Variants in P4HTM observed in about 807,000 individuals in gnomAD.
The protein encoded by P4HTM is prolyl 4-hydroxylase, transmembrane.
A neutral mutation model predicts 55.3 loss-of-function variants in P4HTM; 33 were observed. That is an observed-to-expected ratio of 0.60 (90% confidence interval 0.45 to 0.80). The LOEUF (loss-of-function observed/expected upper bound fraction) is 0.80, where lower values mean the gene tolerates loss of function less well. Ranked by LOEUF, P4HTM falls within the 30% of genes least tolerant of loss-of-function variation. The pLI, the probability that P4HTM is intolerant of heterozygous loss-of-function variation, is 0.00. For synonymous variants in P4HTM, 272 were observed against 286.4 expected, an observed-to-expected ratio of 0.95 and a Z score of 0.51; for missense variants, 542 against 696.5, an observed-to-expected ratio of 0.78 and a Z score of 2.50.
rs1419583512 is a variant in P4HTM at position 49,006,058 on chromosome 3, CCA to C, written c.1165-3_1165-2del. 3.7e-6 allele frequency: 6 copies of C among 1,610,514 alleles called. No homozygotes were observed. Among genetic ancestry groups the C allele is most frequent in the African/African-American group, 2.7e-5 (2 of 74,882 alleles). ...GTTGAACACCCCACCACCCTGCTGCCCACAGAGTCTGATTCAGGATGACGTGG... is the reference window on the plus strand; with the variant it reads ...GTTGAACACCCCACCACCCTGCTGCCCAGAGTCTGATTCAGGATGACGTGG... On this transcript the variant is annotated splice_region_variant and splice_polypyrimidine_tract_variant and intron_variant, in intron 7 of 8. Transcript: ENST00000383729.
intron 2 of P4HTM, among the ~76,000 whole-genome samples, chr3:48,992,972 C>T (rs1035520065): frequency 6.6e-6 from 1 of 151,844 alleles, no homozygotes; most frequent in African/African-American, 2.4e-5. Flanking sequence ...TGGCTGGAAC[C>T]CTTAATAAGG....
intron 7 of P4HTM, 91 bp downstream of exon 7, chr3:49,005,958 A>T: frequency 6.5e-7 from 1 of 1,543,740 alleles, no homozygotes; most frequent in Non-Finnish European, 8.8e-7. Context: ...ATGTGGGCCC[A>T]AATTATTCCT....
chr3:48,992,568 T>C (rs1380077183), intron 2 of P4HTM, among the ~76,000 whole-genome samples: 2 of 147,238 alleles, frequency 1.4e-5, no homozygotes, highest in Non-Finnish European at 3.0e-5. Flanking sequence ...ATCGCACCAC[T>C]GCATTCCAGC....
chr3:48,995,251 A>C (rs1455097966), intron 2 of P4HTM, among the ~76,000 whole-genome samples: 1 of 151,998 alleles, frequency 6.6e-6, no homozygotes, highest in African/African-American at 2.4e-5. Flanking sequence ...CCACAAGCTC[A>C]CTACTGCCTC....
intron 2 of P4HTM, among the ~76,000 whole-genome samples, chr3:48,995,271 G>A (rs891913717): frequency 6.6e-6 from 1 of 152,112 alleles, no homozygotes; most frequent in Admixed American, 6.6e-5. Flanking sequence ...CAGGGCCTTT[G>A]TATGTACTAT....
At position 49,002,936 on chromosome 3, in the gene P4HTM, C is replaced by T. The variant is rs2092965992; in HGVS notation, c.724+340C>T. On this transcript the variant is annotated intron_variant, in intron 4 of 8. Transcript: ENST00000383729. This position sits in a 1 kb window ranked among gnomAD's most constrained non-coding sequence, Gnocchi z 4.4. Reference sequence around the variant, plus strand: ...GAGCAGGAGCAAGGCGACAGTGAGGCCAGCTAGAGCTTGGCTGTTTACCCT... The same window carrying T: ...GAGCAGGAGCAAGGCGACAGTGAGGTCAGCTAGAGCTTGGCTGTTTACCCT... The T allele has an allele frequency of 2.5e-6, 1 of 396,772 alleles. No homozygotes were observed. The highest frequency in any genetic ancestry group is 4.8e-6 in the Non-Finnish European group (1 of 207,104). 24.6% of individuals were successfully genotyped at this position (396,772 alleles called of 1,614,324 possible).
chr3:49,000,745 C>T (rs2092958617), intron 2 of P4HTM, among the ~76,000 whole-genome samples: 1 of 152,214 alleles, frequency 6.6e-6, no homozygotes, highest in Non-Finnish European at 1.5e-5. Flanking sequence ...AGCCCCAGGC[C>T]TGACTGATCT....
intron 7 of P4HTM, 67 bp downstream of exon 7, chr3:49,005,934 C>G (rs1353417357): frequency 6.5e-7 from 1 of 1,535,010 alleles, no homozygotes; most frequent in African/African-American, 1.4e-5. Flanking sequence ...GTACACACCT[C>G]TCCAGGTCTA....
chr3:48,990,978 C>T lies in P4HTM; in HGVS notation c.436+64C>T. 3.2e-6 allele frequency: 4 copies of T among 1,240,934 alleles called. No homozygotes were observed. Among genetic ancestry groups the T allele is most frequent in the South Asian group, 1.2e-5 (1 of 81,288 alleles). 76.9% of individuals were successfully genotyped at this position (1,240,934 alleles called of 1,614,324 possible). ...GCGGTTTGGTGGCCACCTTGAGGCT[C>T]GTTGTGACCACGTGACCTCTATTTT... On this transcript the variant is annotated intron_variant, in intron 2 of 8. Coordinates refer to ENST00000383729, the MANE Select transcript of P4HTM (RefSeq NM_177939.3). This position sits in a 1 kb window ranked among gnomAD's most constrained non-coding sequence, Gnocchi z 7.2.
chr3:49,005,367 G>A (rs2092974313), intron 6 of P4HTM: 1 of 1,412,848 alleles, frequency 7.1e-7, no homozygotes, highest in African/African-American at 1.4e-5. Flanking sequence ...TGTTGATCTT[G>A]ATTCCACTTA....
At position 49,004,973 on chromosome 3, in the gene P4HTM, G is replaced by C; in HGVS notation, c.1000G>C (p.Val334Leu). 1.9e-6 allele frequency: 3 copies of C among 1,614,076 alleles called. No individual in the cohort carries two copies. Among genetic ancestry groups the C allele is most frequent in the South Asian group, 2.2e-5 (2 of 91,080 alleles). Reference protein sequence around the residue: ...HYHAHVDSGPVYPETICSHTK... With the variant: ...HYHAHVDSGPLYPETICSHTK... ...CCATGCCCACGTGGACAGTGGGCCT[G>C]TGTACCCAGAGACCATCTGCTCCCA... Residue 334 changes from valine to leucine, a missense_variant, in exon 6 of 9, where the codon GTG (valine) becomes CTG (leucine). Val to Leu is a conservative substitution (Grantham distance 32). Coordinates refer to ENST00000383729, the MANE Select transcript of P4HTM (RefSeq NM_177939.3).
At chr3:49,000,602 G>A (rs190590353) in intron 2 of P4HTM, among the ~76,000 whole-genome samples, 1 of 152,120 alleles carries the variant, frequency 6.6e-6, no homozygotes, top group Non-Finnish European at 1.5e-5. Flanking sequence ...AAGGAAGCAG[G>A]GCCCATGCTC....
Position 49,002,973 on chromosome 3 carries a change from C to A in P4HTM, c.724+377C>A. ...TGGCTGTTTACCCTGCTCCATCCATCTCTCCAGCCAGACACGAGGTCCACC... is the reference window on the plus strand; with the variant it reads ...TGGCTGTTTACCCTGCTCCATCCATATCTCCAGCCAGACACGAGGTCCACC... On this transcript the variant is annotated intron_variant, in intron 4 of 8. Coordinates refer to ENST00000383729, the MANE Select transcript of P4HTM (RefSeq NM_177939.3). The surrounding 1 kb of genome is among the most constrained non-coding windows in gnomAD (Gnocchi z 4.4). The A allele has an allele frequency of 2.8e-6, 1 of 363,136 alleles. No individual in the cohort carries two copies. Among genetic ancestry groups the A allele is most frequent in the Non-Finnish European group, 5.4e-6 (1 of 185,644 alleles). The allele number at this position is 363,136 out of a possible 1,614,324, so 22.5% of individuals were successfully genotyped here.
chr3:49,006,759 CCAA>C lies in P4HTM; in HGVS notation c.1366_1368del (p.Asn456del), dbSNP rs778025734. 1.9e-6 allele frequency: 3 copies of C among 1,613,756 alleles called. No homozygotes were observed. The highest frequency in any genetic ancestry group is 2.5e-6 in the Non-Finnish European group (3 of 1,180,036). The stretch of plus-strand genomic sequence containing the variant: ...GTCACGCGCGGCACCAAGTGGATTG[CCAA>C]CAACTGGATTAATGTGGACCCCAGC... On this transcript the variant is annotated inframe_deletion, in exon 9 of 9. Transcript: ENST00000383729.
chr3:48,998,054 T>C (rs2092950786), intron 2 of P4HTM: 1 of 152,406 alleles, frequency 6.6e-6, no homozygotes, highest in South Asian at 2.1e-4. Flanking sequence ...TCCCCCTTTT[T>C]TACCCTTTTT....
upstream of P4HTM, chr3:48,990,235 G>T: frequency 8.5e-7 from 1 of 1,176,100 alleles, no homozygotes; most frequent in Non-Finnish European, 1.0e-6. The surrounding 1 kb of genome is among the most constrained non-coding windows in gnomAD (Gnocchi z 7.2). Flanking sequence ...CCTCCCCTGG[G>T]CGCGCGCGCG....
rs748516876 is a variant in P4HTM at position 49,004,152 on chromosome 3, A to AC, written c.780dup (p.Met261HisfsTer10). The AC allele has an allele frequency of 6.4e-7, 1 of 1,552,362 alleles. No individual in the cohort carries two copies. The highest frequency in any genetic ancestry group is 1.2e-5 in the South Asian group (1 of 84,126). On this transcript the variant is annotated frameshift_variant, in exon 5 of 9. Coordinates refer to ENST00000383729, the MANE Select transcript of P4HTM (RefSeq NM_177939.3). LOFTEE classifies it high-confidence loss of function. ...ATGGACCTTCGGGACTTCCACAAGT[A>AC]CATGAGGAGCCACAAGGCAGAGTCC...
Position 49,002,471 on chromosome 3 carries a change from A to G in P4HTM, c.628-29A>G, listed in dbSNP as rs748060537. 3 of 1,488,982 alleles carry G rather than the reference A, an allele frequency of 2.0e-6. No homozygotes were observed. The highest frequency in any genetic ancestry group is 2.8e-6 in the Non-Finnish European group (3 of 1,066,292). The allele number at this position is 1,488,982 out of a possible 1,614,324, so 92.2% of individuals were successfully genotyped here. A position where few individuals can be genotyped will look rare whatever the true frequency, so the allele number is the denominator to read the frequency against. ...CTGCTGGCTCTCCATCACTGGGGTC[A>G]CCCACTGAGGGACCCTCTTATGCTT... is the stretch of plus-strand genomic sequence containing the variant. On this transcript the variant is annotated intron_variant, in intron 3 of 8. Coordinates refer to ENST00000383729, the MANE Select transcript of P4HTM (RefSeq NM_177939.3). This position sits in a 1 kb window ranked among gnomAD's most constrained non-coding sequence, Gnocchi z 4.4.
At chr3:49,001,905 C>T (rs371482059) in intron 3 of P4HTM, among the ~76,000 whole-genome samples, 3 of 152,252 alleles carry the variant, frequency 2.0e-5, no homozygotes, top group African/African-American at 7.2e-5. Flanking sequence ...ATTCCTTGCT[C>T]TCATGGCTGG....
Sources: gnomAD v4.1 joint callset for allele counts (sites outside exome capture counted in the v4.1 genomes callset) on GRCh38, gnomAD v4.1.1 for gene constraint, Gnocchi (gnomAD v3.1) non-coding constraint, MANE v1.5 for transcripts, NCBI Gene and HGNC (gene_info 2026-07-23, HGNC 2026-07-21) for gene names.